KAZN: variants seen among roughly 807,000 people sequenced by gnomAD.
KAZN encodes kazrin.
A neutral mutation model predicts 87.4 loss-of-function variants in KAZN; 40 were observed. The observed-to-expected ratio is 0.46, with a 90% CI of 0.36 to 0.60. The LOEUF (loss-of-function observed/expected upper bound fraction) is 0.60, where lower values mean the gene tolerates loss of function less well. Ranked by LOEUF, KAZN falls within the 20% of genes least tolerant of loss-of-function variation. KAZN has a pLI of 0.00. For missense variants in KAZN, 898 were observed against 1,073.9 expected (o/e 0.84, Z 2.29); for synonymous variants, 466 against 458.3 (o/e 1.02, Z -0.22).
intron 1 of KAZN, among the ~76,000 whole-genome samples, chr1:14,793,528 G>A (rs1645742984): frequency 1.3e-5 from 2 of 152,188 alleles, no homozygotes; most frequent in Admixed American, 6.5e-5. Flanking sequence ...TGTTTACCTA[G>A]CTATAAAATG....
At chr1:14,164,033 T>C (rs1172366736) in intron 1 of KAZN, among the ~76,000 whole-genome samples, 1 of 152,228 alleles carries the variant, frequency 6.6e-6, no homozygotes, top group Admixed American at 6.5e-5. Flanking sequence ...CACTGCTCGG[T>C]TGAAAAGCCA....
At chr1:14,326,443 G>A (rs1656425209) in intron 2 of KAZN, among the ~76,000 whole-genome samples, 1 of 152,160 alleles carries the variant, frequency 6.6e-6, no homozygotes, top group South Asian at 2.1e-4. Flanking sequence ...TCTCACTTGG[G>A]TGATTGCACT....
chr1:14,480,295 C>T (rs1266914312), intron 2 of KAZN, among the ~76,000 whole-genome samples: 5 of 152,194 alleles, frequency 3.3e-5, no homozygotes, highest in Non-Finnish European at 7.3e-5. Flanking sequence ...CAGGTAGCTA[C>T]AGCCAACAAC....
chr1:14,392,073 CCTTTAA>C (rs58439824), intron 2 of KAZN, among the ~76,000 whole-genome samples: 31,937 of 151,798 alleles, frequency 0.21, 3,481 homozygotes, highest in Non-Finnish European at 0.23. Context: ...ACAACAGATT[CCTTTAA>C]CTTTAAGGGA....
chr1:14,782,921 C>T (rs780544610), intron 1 of KAZN, among the ~76,000 whole-genome samples: 1 of 152,100 alleles, frequency 6.6e-6, no homozygotes, highest in African/African-American at 2.4e-5. Context: ...GTCCTGCTGA[C>T]CTTTGTTTGC....
chr1:13,893,870 C>T, intron 1 of KAZN: 1 of 1,245,864 alleles, frequency 8.0e-7, no homozygotes, highest in Non-Finnish European at 1.1e-6. Flanking sequence ...TACCTCATCT[C>T]TTTCTTGATA....
At chr1:14,460,600 T>C (rs547601760) in intron 2 of KAZN, among the ~76,000 whole-genome samples, 1 of 152,314 alleles carries the variant, frequency 6.6e-6, no homozygotes, top group South Asian at 2.1e-4. Flanking sequence ...CCTCTCCTCC[T>C]CTATGACAAT....
intron 1 of KAZN, among the ~76,000 whole-genome samples, chr1:14,707,690 ATTTG>A (rs1642281447): frequency 1.3e-5 from 2 of 152,106 alleles, no homozygotes; most frequent in African/African-American, 4.8e-5. Context: ...TGCTCTGCAT[ATTTG>A]TTTGTTTGTC....
rs1351541373 is a variant in KAZN, at chr1:14,835,191, C to T, written c.227-125493C>T. ...CAACTGTGATCATAGAATTTTCTAC[C>T]TGTCTTTGTATCTGCTTTGCCCTGT... On this transcript the variant is annotated intron_variant, in intron 1 of 14. Coordinates refer to ENST00000376030, the MANE Select transcript of KAZN (RefSeq NM_201628.3). 2.6e-5 allele frequency among the ~76,000 whole-genome samples: 4 copies of T among 152,190 alleles called. No homozygotes were observed. In the East Asian group the frequency reaches 7.7e-4, roughly 29 times the overall value.
intron 1 of KAZN, among the ~76,000 whole-genome samples, chr1:14,030,430 T>A (rs1570568707): frequency 2.2e-5 from 1 of 45,576 alleles, no homozygotes; most frequent in African/African-American, 8.5e-5. Context: ...GGGACTGTGG[T>A]GGGGTGGGGG....
intron 1 of KAZN, among the ~76,000 whole-genome samples, chr1:14,786,944 G>A (rs1645526669): frequency 6.6e-6 from 1 of 152,204 alleles, no homozygotes; most frequent in Admixed American, 6.5e-5. Context: ...CATACATTTA[G>A]GGATAAGAGT....
At chr1:14,575,962 G>A (rs1675153786) in intron 2 of KAZN, among the ~76,000 whole-genome samples, 1 of 152,148 alleles carries the variant, frequency 6.6e-6, no homozygotes, top group Non-Finnish European at 1.5e-5. Context: ...ACATTTTGTG[G>A]GGGTTGTGAG....
chr1:14,924,544 C>T, intron 1 of KAZN: 1 of 1,011,994 alleles, frequency 9.9e-7, no homozygotes, highest in Non-Finnish European at 1.2e-6. Flanking sequence ...TTCCCCGGGT[C>T]CGAGCGGATG....
In KAZN at chr1:15,101,600, C is replaced by T. The variant is rs1308534557; in HGVS notation, c.1605C>T (p.Asp535=). 1.0e-5 allele frequency: 16 copies of T among 1,555,262 alleles called. No individual in the cohort carries two copies. Among genetic ancestry groups the T allele is most frequent in the Non-Finnish European group, 1.0e-5 (12 of 1,148,976 alleles). ...GGGTGGCCAAGGCCTGGCTGAATGA[C>T]ATTGGCCTGTCCCAGTACTCCCAGG... The part of the protein sequence containing the change: ...HHWVAKAWLN[D]IGLSQYSQAF... Residue 535 remains aspartate (D), a synonymous_variant, in exon 11 of 15, where the codon GAC becomes GAT. Coordinates refer to ENST00000376030, the MANE Select transcript of KAZN (RefSeq NM_201628.3).
chr1:14,348,917 T>C (rs1658313450), intron 2 of KAZN: 1 of 152,226 alleles, frequency 6.6e-6, no homozygotes, highest in African/African-American at 2.4e-5. Flanking sequence ...AATAGGTAGG[T>C]TGGTTTACAG....
At chr1:14,220,244 CA>C (rs936577617) in intron 2 of KAZN, among the ~76,000 whole-genome samples, 2 of 152,176 alleles carry the variant, frequency 1.3e-5, no homozygotes, top group African/African-American at 4.8e-5. Context: ...ACTCTCTGCT[CA>C]TCATTTCTTT....
intron 1 of KAZN, among the ~76,000 whole-genome samples, chr1:14,849,150 G>A (rs1179195435): frequency 6.6e-6 from 1 of 152,154 alleles, no homozygotes; most frequent in Non-Finnish European, 1.5e-5. Flanking sequence ...CTCCTGCAAG[G>A]GCCTGCGTTC....
chr1:14,126,479 T>G (rs1570801605), intron 1 of KAZN, among the ~76,000 whole-genome samples: 1 of 152,096 alleles, frequency 6.6e-6, no homozygotes, highest in East Asian at 1.9e-4. Context: ...ACTGGGAATC[T>G]AAATCCAAGC....
chr1:14,387,663 C>T (rs1662049334), intron 2 of KAZN, among the ~76,000 whole-genome samples: 2 of 152,264 alleles, frequency 1.3e-5, no homozygotes, highest in African/African-American at 2.4e-5. Flanking sequence ...AGGAGGCAGT[C>T]TGCCCGTTCT....
Sources: allele counts gnomAD v4.1 joint callset (sites outside exome capture counted in the v4.1 genomes callset), GRCh38; gene constraint gnomAD v4.1.1; transcripts MANE v1.5; gene names NCBI Gene and HGNC (gene_info 2026-07-23, HGNC 2026-07-21).